EHD2: variants seen among roughly 807,000 people sequenced by gnomAD.
EHD2 encodes the protein EH domain-containing protein 2.
A neutral mutation model predicts 41.0 loss-of-function variants in EHD2; 27 were observed. The ratio of observed to expected loss-of-function variants is 0.66; its 90% CI spans 0.49 to 0.91. EHD2 has a LOEUF of 0.91. EHD2 is among the 40% of genes least tolerant of loss of function. The probability of loss-of-function intolerance (pLI) is 0.00; values close to 1 mark genes in which losing one functional copy is unlikely to be tolerated. For synonymous variants in EHD2, 342 were observed against 341.0 expected (o/e 1.00, Z -0.03); for missense variants, 673 against 773.9 (o/e 0.87, Z 1.55).
chr19:47,720,167 G>A (rs1441799098), intron 3 of EHD2, among the ~76,000 whole-genome samples: 1 of 151,248 alleles, frequency 6.6e-6, no homozygotes, highest in African/African-American at 2.4e-5. Context: ...GGAAGACTTT[G>A]TTTTGTTTGT....
chr19:47,729,135 A>G (rs1187183453), intron 4 of EHD2, among the ~76,000 whole-genome samples: 1 of 152,166 alleles, frequency 6.6e-6, no homozygotes, highest in African/African-American at 2.4e-5. Flanking sequence ...GAGAGGAGAC[A>G]GATCCATCCC....
chr19:47,724,051 C>T (rs1469842733), intron 3 of EHD2, among the ~76,000 whole-genome samples: 1 of 150,358 alleles, frequency 6.7e-6, no homozygotes, highest in African/African-American at 2.5e-5. Flanking sequence ...TATATATTAG[C>T]TCATTTATAT....
rs1966994330 is a variant in EHD2 at position 47,741,880 on chromosome 19, C to A, written c.*448C>A. ...AACACACACTAATTCCTGGCAGGGC[C>A]CCCAGCCCCTCCCCTGGCTGAGCAG... On this transcript the variant is annotated 3_prime_UTR_variant, in exon 6 of 6. Coordinates refer to ENST00000263277, the MANE Select transcript of EHD2 (RefSeq NM_014601.4). This position sits in a 1 kb window ranked among gnomAD's most constrained non-coding sequence, Gnocchi z 4.5. 4.3e-6 allele frequency: 2 copies of A among 459,924 alleles called. No individual in the cohort carries two copies. The highest frequency in any genetic ancestry group is 4.0e-5 in the African/African-American group (2 of 50,264). 28.5% of individuals were successfully genotyped at this position (459,924 alleles called of 1,614,324 possible).
At chr19:47,737,876 CTTT>C (rs1226699986) in intron 5 of EHD2, among the ~76,000 whole-genome samples, 2 of 100,054 alleles carry the variant, frequency 2.0e-5, no homozygotes, top group Non-Finnish European at 4.0e-5. Flanking sequence ...GCCTGGCTAG[CTTT>C]TTTTTTTTTT....
chr19:47,727,812 G>A (rs1300835327), intron 4 of EHD2, among the ~76,000 whole-genome samples: 3 of 152,038 alleles, frequency 2.0e-5, no homozygotes, highest in Non-Finnish European at 2.9e-5. Flanking sequence ...TAACAATGAA[G>A]GCTGGGTGCG....
chr19:47,725,900 G>C lies in EHD2; in HGVS notation c.591G>C (p.Ser197=), dbSNP rs768934406. 90 of 1,613,772 alleles carry C rather than the reference G, an allele frequency of 5.6e-5. 1 individual carries two copies. The highest frequency in any genetic ancestry group is 6.9e-5 in the Non-Finnish European group (81 of 1,179,816). Residue 197 remains serine (S), a synonymous_variant, in exon 4 of 6, where the codon TCG becomes TCC. Transcript: ENST00000263277. ...TTGATGCGCACAAGCTGGAGATCTC[G>C]GACGAGTTCTCAGAGGCCATCGGCG... ...LLFDAHKLEI[S]DEFSEAIGAL...
intron 3 of EHD2, among the ~76,000 whole-genome samples, chr19:47,723,771 G>A (rs1973722099): frequency 6.6e-6 from 1 of 151,360 alleles, no homozygotes; most frequent in Non-Finnish European, 1.5e-5. Context: ...TCCAACTGCT[G>A]GGCTCAAGTG....
intron 4 of EHD2, among the ~76,000 whole-genome samples, chr19:47,727,303 G>A (rs112852934): frequency 0.066 from 9,992 of 150,826 alleles, 1,101 homozygotes; most frequent in African/African-American, 0.23. Flanking sequence ...TTTTTAGTTG[G>A]TCAGGCTGGT....
intron 3 of EHD2, among the ~76,000 whole-genome samples, chr19:47,720,448 G>A (rs1226835522): frequency 3.3e-5 from 5 of 152,104 alleles, no homozygotes; most frequent in Non-Finnish European, 5.9e-5. Context: ...TGGGATTACA[G>A]GTGTGAGCCA....
chr19:47,717,201 C>T (rs1369677806), intron 2 of EHD2, among the ~76,000 whole-genome samples, 185 bp downstream of exon 2: 4 of 152,108 alleles, frequency 2.6e-5, no homozygotes, highest in African/African-American at 7.2e-5. Context: ...ACACCCACCA[C>T]CACGCCAAGC....
intron 4 of EHD2, among the ~76,000 whole-genome samples, chr19:47,733,751 CAAAAAAAAA>C (rs34254815): frequency 5.3e-5 from 3 of 57,124 alleles, no homozygotes; most frequent in South Asian, 1.2e-3. Flanking sequence ...GACTCTGTCT[CAAAAAAAAA>C]AAAAAAAAAA....
intron 1 of EHD2, among the ~76,000 whole-genome samples, chr19:47,713,798 A>C (rs1973598469): frequency 3.7e-5 from 5 of 135,430 alleles, no homozygotes; most frequent in African/African-American, 2.8e-5. Flanking sequence ...CTCCCCCAAC[A>C]CCCCTCCCTA....
chr19:47,730,265 G>C (rs907613901), intron 4 of EHD2, among the ~76,000 whole-genome samples: 2 of 150,938 alleles, frequency 1.3e-5, no homozygotes, highest in African/African-American at 2.4e-5. Context: ...TGGTCCCTAC[G>C]GAGCCGCCCT....
intron 1 of EHD2, among the ~76,000 whole-genome samples, chr19:47,715,482 T>A (rs1380893941): frequency 6.6e-6 from 1 of 152,138 alleles, no homozygotes; most frequent in East Asian, 1.9e-4. Context: ...CCTCTGGATG[T>A]CTGGCATGTG....
At position 47,719,946 on chromosome 19, in the gene EHD2, ATG is replaced by A. The variant is rs59665711; in HGVS notation, c.502+1363_502+1364del. The stretch of plus-strand genomic sequence containing the variant: ...AGAGTGTCCAGCTGTTGGTGTGTAT[ATG>A]TGTGTGTGTGTGTGTGTGTGTGACT... On this transcript the variant is annotated intron_variant, in intron 3 of 5. Transcript: ENST00000263277. This position sits in a 1 kb window ranked among gnomAD's most constrained non-coding sequence, Gnocchi z 4.1. 6.7e-4 allele frequency among the ~76,000 whole-genome samples: 98 copies of A among 146,880 alleles called. 1 individual carries two copies. The highest frequency in any genetic ancestry group is 1.4e-3 in the East Asian group (7 of 4,958).
At chr19:47,735,464 G>A (rs1479448386) in intron 4 of EHD2, among the ~76,000 whole-genome samples, 5 of 152,174 alleles carry the variant, frequency 3.3e-5, no homozygotes, top group South Asian at 2.1e-4. Context: ...TCTGGGCAGT[G>A]GCTCTTGCCT....
chr19:47,733,621 T>C (rs1214724979), intron 4 of EHD2, among the ~76,000 whole-genome samples: 5 of 150,584 alleles, frequency 3.3e-5, no homozygotes, highest in Non-Finnish European at 7.4e-5. Context: ...GAGCCGAGAT[T>C]GAGCCACTGC....
rs887265600 is a variant in EHD2, at chr19:47,719,621, A to G, written c.502+1015A>G. On this transcript the variant is annotated intron_variant, in intron 3 of 5. Transcript: ENST00000263277. The surrounding 1 kb of genome is among the most constrained non-coding windows in gnomAD (Gnocchi z 4.1). Reference sequence around the variant, plus strand: ...GAGAGGATGGGAGGCCCTGGCGAGAAGGCTGGGCCTGGGGTGGGGTGGGGA... The same window carrying G: ...GAGAGGATGGGAGGCCCTGGCGAGAGGGCTGGGCCTGGGGTGGGGTGGGGA... Among the ~76,000 whole-genome samples, 9 of 151,836 alleles carry G rather than the reference A, an allele frequency of 5.9e-5. No individual in the cohort carries two copies. Among genetic ancestry groups the G allele is most frequent in the Non-Finnish European group, 1.3e-4 (9 of 67,914 alleles).
chr19:47,737,027 C>A (rs1045898913), intron 5 of EHD2, among the ~76,000 whole-genome samples: 1 of 151,526 alleles, frequency 6.6e-6, no homozygotes, highest in East Asian at 2.0e-4. Context: ...GTCAGCAGAT[C>A]AAGACCATCC....
Sources: gnomAD v4.1 joint callset for allele counts (sites outside exome capture counted in the v4.1 genomes callset) on GRCh38, gnomAD v4.1.1 for gene constraint, Gnocchi (gnomAD v3.1) non-coding constraint, MANE v1.5 for transcripts, NCBI Gene and HGNC (gene_info 2026-07-23, HGNC 2026-07-21) for gene names.